Variants in LCMT1 observed in about 807,000 individuals in gnomAD.
LCMT1 encodes the protein leucine carboxyl methyltransferase 1.
LCMT1 carries 32 observed loss-of-function variants against 47.7 expected under a neutral mutation model. That is an observed-to-expected ratio of 0.67 (90% CI 0.51 to 0.90). The LOEUF is 0.90. Among genes scored for constraint, LCMT1 ranks in the 40% least tolerant of loss-of-function variants. LCMT1 has a pLI of 0.00. For synonymous variants in LCMT1, 152 were observed against 149.7 expected, an observed-to-expected ratio of 1.02 and a Z score of -0.11; for missense variants, 375 against 415.2, an observed-to-expected ratio of 0.90 and a Z score of 0.84.
chr16:25,158,421 C>T (rs1193323139), intron 5 of LCMT1, among the ~76,000 whole-genome samples: 1 of 152,256 alleles, frequency 6.6e-6, no homozygotes, highest in African/African-American at 2.4e-5. Context: ...AGGCATAAGC[C>T]ACTGCGCCCG....
chr16:25,150,230 TAAA>T (rs1961030733), intron 4 of LCMT1, among the ~76,000 whole-genome samples: 2 of 151,270 alleles, frequency 1.3e-5, no homozygotes. Context: ...AACTGAGGCT[TAAA>T]GAAGTTAATT....
At chr16:25,125,955 T>G in intron 1 of LCMT1, 1 of 1,182,058 alleles carries the variant, frequency 8.5e-7, no homozygotes, top group Non-Finnish European at 1.1e-6. Context: ...GCTGCTTGTC[T>G]CCCTTCAGAA....
intron 3 of LCMT1, 111 bp downstream of exon 3, chr16:25,132,634 C>G (rs1960386205): frequency 8.4e-7 from 1 of 1,188,782 alleles, no homozygotes; most frequent in Non-Finnish European, 1.2e-6. Flanking sequence ...GAAAGCCTGT[C>G]TCCCACCCCT....
chr16:25,173,317 C>T (rs775082399), intron 9 of LCMT1, among the ~76,000 whole-genome samples: 2 of 151,410 alleles, frequency 1.3e-5, no homozygotes, highest in African/African-American at 2.4e-5. Context: ...TGGTAATAAC[C>T]ATCCTGGAGC....
chr16:25,145,122 C>T (rs1332661466), intron 4 of LCMT1: 1 of 152,180 alleles, frequency 6.6e-6, no homozygotes, highest in Non-Finnish European at 1.5e-5. Flanking sequence ...GTGGGACCAG[C>T]AATGAAGTGA....
chr16:25,171,776 G>GT (rs1276642395), intron 9 of LCMT1, among the ~76,000 whole-genome samples: 1 of 152,170 alleles, frequency 6.6e-6, no homozygotes, highest in Non-Finnish European at 1.5e-5. Flanking sequence ...AGTGCATGAA[G>GT]TATAAAGTAG....
intron 3 of LCMT1, among the ~76,000 whole-genome samples, chr16:25,136,107 A>G (rs1350221649): frequency 6.6e-6 from 1 of 151,738 alleles, no homozygotes; most frequent in Non-Finnish European, 1.5e-5. Context: ...AAAAAAAAAA[A>G]AAAAGGAAAG....
chr16:25,175,632 CAA>C (rs996119314), intron 10 of LCMT1, among the ~76,000 whole-genome samples: 1 of 151,854 alleles, frequency 6.6e-6, no homozygotes, highest in African/African-American at 2.4e-5. Context: ...AACCCTGTCT[CAA>C]AAAATAAATA....
chr16:25,117,313 C>T (rs889233063), intron 1 of LCMT1, among the ~76,000 whole-genome samples: 1 of 152,166 alleles, frequency 6.6e-6, no homozygotes, highest in Non-Finnish European at 1.5e-5. Flanking sequence ...CTGTCACTCA[C>T]CTAAAAACCT....
At chr16:25,171,757 G>A (rs1463435368) in intron 9 of LCMT1, among the ~76,000 whole-genome samples, 1 of 152,148 alleles carries the variant, frequency 6.6e-6, no homozygotes, top group Non-Finnish European at 1.5e-5. Flanking sequence ...AGTTCCTCAA[G>A]CATTCTAAAG....
At chr16:25,160,981 T>TA (rs1961413331) in intron 5 of LCMT1, 121 bp from the exon 6 acceptor site, 1 of 544,860 alleles carries the variant, frequency 1.8e-6, no homozygotes, top group Admixed American at 4.4e-5. Context: ...ACCCTCCTCT[T>TA]ACGTATTTTT....
At chr16:25,124,174 A>G (rs1960087031) in intron 1 of LCMT1, among the ~76,000 whole-genome samples, 1 of 152,212 alleles carries the variant, frequency 6.6e-6, no homozygotes, top group Non-Finnish European at 1.5e-5. Flanking sequence ...AGGAAACTCT[A>G]CACAGTAGAC....
chr16:25,172,099 A>G (rs944766929), intron 9 of LCMT1, among the ~76,000 whole-genome samples: 1 of 152,264 alleles, frequency 6.6e-6, no homozygotes, highest in Admixed American at 6.5e-5. Context: ...TGAGGTTAGG[A>G]GTTCGATACC....
chr16:25,177,046 G>A (rs946704796), intron 10 of LCMT1, among the ~76,000 whole-genome samples: 1 of 151,952 alleles, frequency 6.6e-6, no homozygotes, highest in Admixed American at 6.6e-5. Context: ...TGGGCGTGGT[G>A]GCACATGCCT....
chr16:25,119,870 TG>T (rs1465952600), intron 1 of LCMT1, among the ~76,000 whole-genome samples: 11 of 151,986 alleles, frequency 7.2e-5, no homozygotes. Flanking sequence ...CTGTAAAACT[TG>T]TCTATCAGGC....
intron 3 of LCMT1, among the ~76,000 whole-genome samples, chr16:25,135,874 T>C (rs904513326): frequency 6.6e-6 from 1 of 152,006 alleles, no homozygotes; most frequent in African/African-American, 2.4e-5. Context: ...TTGAATTGCT[T>C]GAGCTCAGGA....
chr16:25,115,544 T>G (rs1414461270), intron 1 of LCMT1, among the ~76,000 whole-genome samples: 1 of 152,210 alleles, frequency 6.6e-6, no homozygotes, highest in Non-Finnish European at 1.5e-5. Flanking sequence ...GGATACTTAA[T>G]TCAGACATTT....
Position 25,115,533 on chromosome 16 carries a change from C to T in LCMT1, c.113+3537C>T, listed in dbSNP as rs1379992816. ...CAGATCAACTCACTCTCCCTTTCTC[C>T]GGATACTTAATTCAGACATTTTCCC... On this transcript the variant is annotated intron_variant, in intron 1 of 10. Coordinates refer to ENST00000399069, the MANE Select transcript of LCMT1 (RefSeq NM_016309.3). Among the ~76,000 whole-genome samples the T allele has an allele frequency of 5.9e-5, 9 of 152,184 alleles. No homozygotes were observed. In the South Asian group the frequency reaches 8.3e-4, roughly 14 times the overall value.
intron 1 of LCMT1, among the ~76,000 whole-genome samples, chr16:25,121,903 C>G (rs1960002116): frequency 6.6e-6 from 1 of 152,182 alleles, no homozygotes; most frequent in Admixed American, 6.5e-5. Context: ...CATGTCATTT[C>G]ACAGAGATCT....
Sources: gnomAD v4.1 joint callset for allele counts (sites outside exome capture counted in the v4.1 genomes callset) on GRCh38, gnomAD v4.1.1 for gene constraint, MANE v1.5 for transcripts, NCBI Gene and HGNC (gene_info 2026-07-23, HGNC 2026-07-21) for gene names.